The following SLC22A2 variants were observed in gnomAD, a reference collection of about 807,000 sequenced individuals.
SLC22A2 encodes solute carrier family 22 member 2.
A neutral mutation model predicts 60.5 loss-of-function variants in SLC22A2; 46 were observed. The observed-to-expected ratio is 0.76, with a 90% CI of 0.60 to 0.97. SLC22A2 has a LOEUF of 0.97. SLC22A2 is among the 50% of genes least tolerant of loss of function. The pLI is 0.00. For missense variants in SLC22A2, 701 were observed against 706.6 expected, an observed-to-expected ratio of 0.99 and a Z score of 0.09; for synonymous variants, 303 against 267.0, an observed-to-expected ratio of 1.13 and a Z score of -1.31.
chr6:160,229,570 C>A (rs1782784008), intron 9 of SLC22A2, among the ~76,000 whole-genome samples: 1 of 151,780 alleles, frequency 6.6e-6, no homozygotes, highest in African/African-American at 2.4e-5. Flanking sequence ...CCCCTTCTCT[C>A]CATGTACCCA....
intron 2 of SLC22A2, among the ~76,000 whole-genome samples, chr6:160,253,334 C>T (rs1012269224): frequency 6.6e-6 from 1 of 152,162 alleles, no homozygotes; most frequent in Non-Finnish European, 1.5e-5. Flanking sequence ...GTGGCTTATG[C>T]AGAAATTTCT....
chr6:160,245,347 C>T (rs188777933), intron 6 of SLC22A2, 92 bp downstream of exon 6: 17 of 683,314 alleles, frequency 2.5e-5, no homozygotes, highest in South Asian at 6.5e-5. Flanking sequence ...GCGCTAATAC[C>T]GGGATGAGGT....
Position 160,241,527 on chromosome 6 carries a change from A to G in SLC22A2, c.1448T>C (p.Phe483Ser), listed in dbSNP as rs752565739. Residue 483 changes from phenylalanine to serine, a missense_variant, in exon 9 of 11, where the codon TTC becomes TCC. By Grantham distance (155) the Phe-to-Ser change is radical. Transcript: ENST00000366953. ...GATGTTAGTGAGCCGGTAGACCAGG[A>G]ATGGCGTGATGATGCCACCAATGTC... ...MCDIGGIITP[F>S]LVYRLTNIWL... is the part of the protein sequence containing the mutation. The G allele has an allele frequency of 1.2e-6, 2 of 1,613,692 alleles. No individual in the cohort carries two copies. The highest frequency in any genetic ancestry group is 1.3e-5 in the African/African-American group (1 of 74,876).
At chr6:160,223,112 G>T (rs1160269764) in intron 10 of SLC22A2, among the ~76,000 whole-genome samples, 1 of 152,176 alleles carries the variant, frequency 6.6e-6, no homozygotes, top group Non-Finnish European at 1.5e-5. Context: ...ATAAAAATCA[G>T]TTGTTTGTGG....
intron 9 of SLC22A2, among the ~76,000 whole-genome samples, chr6:160,235,716 A>T (rs1782899897): frequency 6.6e-6 from 1 of 151,764 alleles, no homozygotes; most frequent in South Asian, 2.1e-4. Context: ...TTTAATAAAA[A>T]GTTTGTAAAG....
At chr6:160,222,884 TA>T (rs1782665484) in intron 10 of SLC22A2, among the ~76,000 whole-genome samples, 1 of 152,190 alleles carries the variant, frequency 6.6e-6, no homozygotes, top group African/African-American at 2.4e-5. Flanking sequence ...AAATCCAGTT[TA>T]TGTGGAATTT....
intron 5 of SLC22A2, among the ~76,000 whole-genome samples, chr6:160,246,093 C>T (rs1482759888): frequency 6.6e-6 from 1 of 152,018 alleles, no homozygotes; most frequent in Non-Finnish European, 1.5e-5. Context: ...GTCTCAAACT[C>T]CTGACCTAGT....
chr6:160,239,512 C>T (rs1782964986), intron 9 of SLC22A2, among the ~76,000 whole-genome samples: 1 of 152,186 alleles, frequency 6.6e-6, no homozygotes, highest in South Asian at 2.1e-4. Flanking sequence ...GGACCTCTTT[C>T]CAGTAACGAA....
Position 160,234,031 on chromosome 6 carries a change from G to T in SLC22A2, c.1501+7443C>A, listed in dbSNP as rs541069647. Among the ~76,000 whole-genome samples, 130 of 152,208 alleles carry T rather than the reference G, an allele frequency of 8.5e-4. 1 individual carries two copies. Among genetic ancestry groups the T allele is most frequent in the African/African-American group, 2.9e-3 (121 of 41,514 alleles). On this transcript the variant is annotated intron_variant, in intron 9 of 10. Coordinates refer to ENST00000366953, the MANE Select transcript of SLC22A2 (RefSeq NM_003058.4). Reference sequence around the variant, plus strand: ...AAGAATCACAAAAGAATTGAAAATGGCCTGTTCCTGCCTTAACTGATGATA... The same window carrying T: ...AAGAATCACAAAAGAATTGAAAATGTCCTGTTCCTGCCTTAACTGATGATA...
intron 10 of SLC22A2, among the ~76,000 whole-genome samples, chr6:160,221,203 G>T (rs1043334313): frequency 1.3e-5 from 2 of 152,200 alleles, no homozygotes; most frequent in African/African-American, 4.8e-5. Context: ...AGCACTTGCT[G>T]CTTCATTTTG....
chr6:160,237,672 G>C lies in SLC22A2; in HGVS notation c.1501+3802C>G, dbSNP rs532482. On this transcript the variant is annotated intron_variant, in intron 9 of 10. Coordinates refer to ENST00000366953, the MANE Select transcript of SLC22A2 (RefSeq NM_003058.4). Reference sequence around the variant, plus strand: ...CAAAAGGGAATGGGGAAATCTCAGAGGTGTTTGAACCAGAGAAACTTTATC... The same window carrying C: ...CAAAAGGGAATGGGGAAATCTCAGACGTGTTTGAACCAGAGAAACTTTATC... 6.0e-4 allele frequency among the ~76,000 whole-genome samples: 92 copies of C among 152,148 alleles called. 1 individual carries two copies. The East Asian group carries it at 0.016, about 27-fold the overall frequency.
At chr6:160,223,859 C>T (rs931371201) in intron 10 of SLC22A2, among the ~76,000 whole-genome samples, 15 of 152,198 alleles carry the variant, frequency 9.9e-5, no homozygotes, top group Non-Finnish European at 1.8e-4. Flanking sequence ...TCCCCAGTGG[C>T]TGGGATTACA....
intron 1 of SLC22A2, chr6:160,258,059 C>A: frequency 2.6e-6 from 1 of 378,364 alleles, no homozygotes; most frequent in Non-Finnish European, 4.7e-6. Context: ...ATCTTGGCAA[C>A]ATTTCCAGGA....
chr6:160,226,325 T>G (rs1389118756), intron 9 of SLC22A2, among the ~76,000 whole-genome samples: 1 of 152,188 alleles, frequency 6.6e-6, no homozygotes, highest in African/African-American at 2.4e-5. Flanking sequence ...GGAGACTGAT[T>G]TGAGTAATAA....
chr6:160,247,778 G>A (rs966689261), intron 4 of SLC22A2, among the ~76,000 whole-genome samples: 7 of 152,212 alleles, frequency 4.6e-5, no homozygotes, highest in South Asian at 2.1e-4. Context: ...AGCAGGGCTC[G>A]GGGAGCCCTT....
At chr6:160,243,480 T>A in intron 7 of SLC22A2, 92 bp downstream of exon 7, 1 of 986,002 alleles carries the variant, frequency 1.0e-6, no homozygotes, top group Non-Finnish European at 1.6e-6. Context: ...TTGATTTGGA[T>A]GACAAATTAC....
At chr6:160,222,861 A>T (rs1782665161) in intron 10 of SLC22A2, among the ~76,000 whole-genome samples, 1 of 152,190 alleles carries the variant, frequency 6.6e-6, no homozygotes, top group South Asian at 2.1e-4. Context: ...TGCTTTTTAA[A>T]AACAGATCCT....
In SLC22A2 at chr6:160,247,508, G is replaced by A. The variant is rs371421125; in HGVS notation, c.843-210C>T. Reference sequence around the variant, plus strand: ...TAAGCAGAAACACAGGAAGCAAGCTGCAAAGCAGGGTGCGGCTGAACATCC... The same window carrying A: ...TAAGCAGAAACACAGGAAGCAAGCTACAAAGCAGGGTGCGGCTGAACATCC... On this transcript the variant is annotated intron_variant, in intron 4 of 10. Transcript: ENST00000366953. 3.9e-5 allele frequency among the ~76,000 whole-genome samples: 6 copies of A among 152,222 alleles called. No homozygotes were observed. The South Asian group carries it at 1.2e-3, about 31-fold the overall frequency.
At chr6:160,219,639 A>G (rs552575837) in intron 10 of SLC22A2, among the ~76,000 whole-genome samples, 1 of 151,804 alleles carries the variant, frequency 6.6e-6, no homozygotes, top group South Asian at 2.1e-4. Flanking sequence ...GGTTAATAAT[A>G]ATAACGCCTA....
Sources: allele counts gnomAD v4.1 joint callset (sites outside exome capture counted in the v4.1 genomes callset), GRCh38; gene constraint gnomAD v4.1.1; transcripts MANE v1.5; gene names NCBI Gene and HGNC (gene_info 2026-07-23, HGNC 2026-07-21).